The following CNNM4 variants were observed in gnomAD, a reference collection of about 807,000 sequenced individuals.
The protein encoded by CNNM4 is cyclin and CBS domain divalent metal cation transport mediator 4, also known as metal transporter CNNM4.
A neutral mutation model predicts 53.7 loss-of-function variants in CNNM4; 32 were observed. The observed-to-expected ratio is 0.60, with a 90% CI of 0.45 to 0.80. The LOEUF (loss-of-function observed/expected upper bound fraction) is 0.80. Among genes scored for constraint, CNNM4 ranks in the 30% least tolerant of loss-of-function variants. The pLI is 0.00. For synonymous variants in CNNM4, 410 were observed against 440.0 expected, an observed-to-expected ratio of 0.93 and a Z score of 0.85; for missense variants, 784 against 1,022.0, an observed-to-expected ratio of 0.77 and a Z score of 3.17.
Position 96,765,489 on chromosome 2 carries a change from C to T in CNNM4, c.1402+3088C>T, listed in dbSNP as rs183981325. On this transcript the variant is annotated intron_variant, in intron 1 of 6. Transcript: ENST00000377075. ...GGGGCAACTGTCTAGCCCAGCATCTCTCTCTGAGGGTCTGTCCTGGACCCT... is the reference window on the plus strand; with the variant it reads ...GGGGCAACTGTCTAGCCCAGCATCTTTCTCTGAGGGTCTGTCCTGGACCCT... 8.8e-4 allele frequency among the ~76,000 whole-genome samples: 134 copies of T among 152,292 alleles called. 1 individual carries two copies. The highest frequency in any genetic ancestry group is 3.2e-3 in the African/African-American group (131 of 41,564).
chr2:96,799,736 G>T, intron 5 of CNNM4, 88 bp downstream of exon 5: 1 of 1,122,126 alleles, frequency 8.9e-7, no homozygotes, highest in Non-Finnish European at 1.3e-6. Flanking sequence ...GCATGGGCCC[G>T]AGAGCTCATA....
chr2:96,797,082 G>C lies in CNNM4; in HGVS notation c.1473G>C (p.Leu491=). The C allele has an allele frequency of 6.2e-7, 1 of 1,614,098 alleles. No homozygotes were observed. Among genetic ancestry groups the C allele is most frequent in the Middle Eastern group, 1.7e-4 (1 of 6,048 alleles). ...AGGGTGACCCCTTCTACGAGGTCCT[G>C]GGCCTGGTCACCCTGGAGGACGTGA... ...EGEGDPFYEV[L]GLVTLEDVIE... is the part of the protein sequence containing the mutation. Residue 491 remains leucine, a synonymous_variant, in exon 2 of 7, where the codon CTG becomes CTC. Coordinates refer to ENST00000377075, the MANE Select transcript of CNNM4 (RefSeq NM_020184.4). This position sits in a 1 kb window ranked among gnomAD's most constrained non-coding sequence, Gnocchi z 6.0.
chr2:96,781,402 C>G (rs1002073913), intron 1 of CNNM4, among the ~76,000 whole-genome samples: 4 of 151,306 alleles, frequency 2.6e-5, no homozygotes, highest in African/African-American at 9.7e-5. Flanking sequence ...CAGGCTAGAG[C>G]GCAGTGGCAC....
intron 1 of CNNM4, among the ~76,000 whole-genome samples, chr2:96,786,368 C>G (rs1428554345): frequency 6.7e-6 from 1 of 149,990 alleles, no homozygotes; most frequent in South Asian, 2.1e-4. Context: ...GAGCCAAGAT[C>G]GTGCTATTGC....
intron 1 of CNNM4, among the ~76,000 whole-genome samples, chr2:96,789,155 C>T (rs1014156306): frequency 2.6e-5 from 4 of 152,030 alleles, no homozygotes; most frequent in Admixed American, 6.5e-5. Context: ...ACTCAGGCCT[C>T]GCCAGGCTGC....
chr2:96,780,660 TA>T (rs2078966394), intron 1 of CNNM4, among the ~76,000 whole-genome samples: 1 of 152,184 alleles, frequency 6.6e-6, no homozygotes, highest in Non-Finnish European at 1.5e-5. Context: ...AGGACAGTGC[TA>T]CACTTAGGAT....
intron 1 of CNNM4, among the ~76,000 whole-genome samples, chr2:96,766,416 G>C (rs1203805226): frequency 6.6e-6 from 1 of 152,004 alleles, no homozygotes; most frequent in African/African-American, 2.4e-5. Context: ...TCCCACCATG[G>C]GGCCTTTGCC....
intron 1 of CNNM4, among the ~76,000 whole-genome samples, chr2:96,772,358 C>T (rs1340181975): frequency 7.0e-6 from 1 of 143,332 alleles, no homozygotes; most frequent in Non-Finnish European, 1.5e-5. Context: ...TAGGCACAGG[C>T]AGGTGCTCAC....
At chr2:96,771,677 G>A (rs2078870975) in intron 1 of CNNM4, among the ~76,000 whole-genome samples, 1 of 149,744 alleles carries the variant, frequency 6.7e-6, no homozygotes, top group Non-Finnish European at 1.5e-5. Flanking sequence ...TCGTGCCACT[G>A]CACTCCAGCC....
intron 1 of CNNM4, among the ~76,000 whole-genome samples, chr2:96,768,691 C>T (rs561639594): frequency 5.9e-5 from 9 of 152,266 alleles, no homozygotes; most frequent in East Asian, 1.9e-4. Flanking sequence ...TGGTGTGACC[C>T]GTTGCTGAGC....
chr2:96,772,175 C>G (rs893928109), intron 1 of CNNM4, among the ~76,000 whole-genome samples: 1 of 151,844 alleles, frequency 6.6e-6, no homozygotes, highest in African/African-American at 2.4e-5. Context: ...ACTCATACCC[C>G]ACATAGGCAC....
At chr2:96,787,172 TC>T (rs1287904626) in intron 1 of CNNM4, among the ~76,000 whole-genome samples, 2 of 152,218 alleles carry the variant, frequency 1.3e-5, no homozygotes, top group Non-Finnish European at 2.9e-5. Context: ...TAAGGTCACT[TC>T]CTAGGGTTGG....
In CNNM4 at chr2:96,800,373, G is replaced by A. The variant is rs1419590420; in HGVS notation, c.1948+725G>A. ...GGTTGCTGCAGGGTAGAGAGAGAAAGTCCACTTTGGTGCTGGAGAACAGGC... is the reference window on the plus strand; with the variant it reads ...GGTTGCTGCAGGGTAGAGAGAGAAAATCCACTTTGGTGCTGGAGAACAGGC... On this transcript the variant is annotated intron_variant, in intron 5 of 6. Coordinates refer to ENST00000377075, the MANE Select transcript of CNNM4 (RefSeq NM_020184.4). This position sits in a 1 kb window ranked among gnomAD's most constrained non-coding sequence, Gnocchi z 4.6. Among the ~76,000 whole-genome samples, 1 of 152,220 alleles carries A rather than the reference G, an allele frequency of 6.6e-6. No homozygotes were observed. The highest frequency in any genetic ancestry group is 1.9e-4 in the East Asian group (1 of 5,196).
At chr2:96,790,388 C>G (rs2079051589) in intron 1 of CNNM4, among the ~76,000 whole-genome samples, 1 of 142,752 alleles carries the variant, frequency 7.0e-6, no homozygotes, top group African/African-American at 2.6e-5. Flanking sequence ...GAGTTTAACT[C>G]TTGTTGCCCA....
At chr2:96,772,324 G>A (rs1312006316) in intron 1 of CNNM4, among the ~76,000 whole-genome samples, 5 of 120,268 alleles carry the variant, frequency 4.2e-5, no homozygotes, top group Non-Finnish European at 8.3e-5. Context: ...CCACCCGTGC[G>A]CACACACACT....
At chr2:96,771,039 G>T (rs190623837) in intron 1 of CNNM4, among the ~76,000 whole-genome samples, 8 of 152,308 alleles carry the variant, frequency 5.3e-5, no homozygotes, top group Admixed American at 2.0e-4. Flanking sequence ...AGAGGTACCC[G>T]GCTGGCCCTC....
chr2:96,799,265 CT>C (rs1381467940), intron 4 of CNNM4, 39 bp downstream of exon 4: 1 of 1,612,218 alleles, frequency 6.2e-7, no homozygotes, highest in Non-Finnish European at 8.5e-7. Context: ...CCTGCTCCCC[CT>C]GGCACTGCAG....
chr2:96,791,386 C>G (rs1410170583), intron 1 of CNNM4, among the ~76,000 whole-genome samples: 1 of 151,794 alleles, frequency 6.6e-6, no homozygotes, highest in Non-Finnish European at 1.5e-5. Context: ...AATCCCGGCA[C>G]TTAGGGAGGC....
Position 96,809,339 on chromosome 2 carries a change from A to G in CNNM4, c.2150A>G (p.Gln717Arg). 6.2e-7 allele frequency: 1 copy of G among 1,614,166 alleles called. No homozygotes were observed. Among genetic ancestry groups the G allele is most frequent in the Non-Finnish European group, 8.5e-7 (1 of 1,180,014 alleles). ...QYIKITRQQYQNGLLASRMEN... is the reference protein window; with the variant it reads ...QYIKITRQQYRNGLLASRMEN... ...ATGCAGATCACTCGGCAGCAGTACC[A>G]GAACGGGCTGCTGGCTTCTCGCATG... Residue 717 changes from glutamine (Q) to arginine (R), a missense_variant, in exon 7 of 7, where the codon CAG becomes CGG. Physicochemically the swap from Gln to Arg is conservative, Grantham distance 43. Around this residue, in one of 3 missense-constraint regions of CNNM4, gnomAD observed 307 missense variants for 376.3 expected, o/e 0.82. Transcript: ENST00000377075.
Sources: allele counts gnomAD v4.1 joint callset (sites outside exome capture counted in the v4.1 genomes callset), GRCh38; gene constraint gnomAD v4.1.1; regional missense constraint gnomAD v4.1.1; non-coding constraint Gnocchi (gnomAD v3.1); transcripts MANE v1.5; gene names NCBI Gene and HGNC (gene_info 2026-07-23, HGNC 2026-07-21).